The following TRPC7 variants were observed in gnomAD, a reference collection of about 807,000 sequenced individuals.
TRPC7 encodes the protein transient receptor potential cation channel subfamily C member 7, also known as short transient receptor potential channel 7.
TRPC7 carries 42 observed loss-of-function variants against 90.1 expected under a neutral mutation model. The observed-to-expected ratio is 0.47, with a 90% CI of 0.36 to 0.60. The LOEUF is 0.60. Among genes scored for constraint, TRPC7 ranks in the 20% least tolerant of loss-of-function variants. TRPC7 has a pLI of 0.00. For missense variants in TRPC7, 955 were observed against 1,112.3 expected, an observed-to-expected ratio of 0.86 and a Z score of 2.01; for synonymous variants, 451 against 436.3, an observed-to-expected ratio of 1.03 and a Z score of -0.42.
Position 136,348,588 on chromosome 5 carries a change from C to A in TRPC7, c.780+8020G>T, listed in dbSNP as rs918546249. Among the ~76,000 whole-genome samples, 3 of 152,172 alleles carry A rather than the reference C, an allele frequency of 2.0e-5. No homozygotes were observed. In the South Asian group the frequency reaches 6.2e-4, roughly 32 times the overall value. On this transcript the variant is annotated intron_variant, in intron 2 of 11. Transcript: ENST00000513104. ...CCCTTGACAATAAGGTCCTTGAGGG[C>A]AGGAACTTTATCTTGTTCATTTTAT...
chr5:136,233,485 G>A (rs186514949), intron 7 of TRPC7, among the ~76,000 whole-genome samples: 12 of 152,320 alleles, frequency 7.9e-5, no homozygotes, highest in Admixed American at 7.8e-4. Flanking sequence ...GGGAACAGTG[G>A]CAGAGAGATT....
chr5:136,295,329 A>T (rs961345645), intron 3 of TRPC7, among the ~76,000 whole-genome samples: 1 of 152,238 alleles, frequency 6.6e-6, no homozygotes, highest in South Asian at 2.1e-4. Flanking sequence ...TGTTGCTTTT[A>T]TTAAAAATAA....
At chr5:136,266,580 T>C in intron 4 of TRPC7, 144 bp from the exon 5 acceptor site, 1 of 733,654 alleles carries the variant, frequency 1.4e-6, no homozygotes, top group East Asian at 2.7e-5. Flanking sequence ...ACAACATTTT[T>C]TCTTGAACTA....
intron 7 of TRPC7, among the ~76,000 whole-genome samples, chr5:136,240,606 CTATAG>C (rs1756131146): frequency 6.6e-6 from 1 of 152,142 alleles, no homozygotes; most frequent in East Asian, 1.9e-4. Flanking sequence ...GAATTTACTA[CTATAG>C]GAGAGCAACT....
intron 3 of TRPC7, among the ~76,000 whole-genome samples, chr5:136,275,084 C>T (rs1377743714): frequency 2.0e-5 from 3 of 152,052 alleles, no homozygotes; most frequent in African/African-American, 7.2e-5. Context: ...GCAAACTGGG[C>T]CTAGAAAAGT....
chr5:136,344,489 T>C (rs1235485629), intron 2 of TRPC7, among the ~76,000 whole-genome samples: 1 of 152,232 alleles, frequency 6.6e-6, no homozygotes, highest in Non-Finnish European at 1.5e-5. Flanking sequence ...AGGCAATTCA[T>C]AGAAAGGAGA....
chr5:136,273,575 C>T (rs1757270862), intron 4 of TRPC7, among the ~76,000 whole-genome samples: 1 of 152,152 alleles, frequency 6.6e-6, no homozygotes, highest in Non-Finnish European at 1.5e-5. Flanking sequence ...GGTGGCCTCA[C>T]CAGCAGCCCC....
intron 2 of TRPC7, among the ~76,000 whole-genome samples, chr5:136,331,373 C>G (rs1440906360): frequency 2.0e-5 from 3 of 152,100 alleles, no homozygotes; most frequent in African/African-American, 7.2e-5. Flanking sequence ...GTGTGCTGAG[C>G]TCTGTGCCAG....
At position 136,247,720 on chromosome 5, in the gene TRPC7, C is replaced by T; in HGVS notation, c.1595G>A (p.Trp532Ter). Residue 532 changes from tryptophan (W) to a stop codon, truncating the protein, a stop_gained, in exon 7 of 12, where the codon TGG becomes TAG. Transcript: ENST00000513104. LOFTEE classifies it high-confidence loss of function. The surrounding 1 kb of genome is among the most constrained non-coding windows in gnomAD (Gnocchi z 4.2). ...CGATATGATCTGAGGGTCTGAAGGC[C>T]ACCACTTGTCCCTGGCTAAAAGAAA... The part of the protein sequence containing the change: ...AYFTYARDKW[W>*]PSDPQIISEG... 2 of 1,612,418 alleles carry T rather than the reference C, an allele frequency of 1.2e-6. No homozygotes were observed. The highest frequency in any genetic ancestry group is 1.7e-6 in the Non-Finnish European group (2 of 1,178,660).
intron 1 of TRPC7, 143 bp downstream of exon 1, chr5:136,365,110 A>G: frequency 1.0e-6 from 1 of 964,106 alleles, no homozygotes; most frequent in South Asian, 1.7e-5. Context: ...ACAAATAAGA[A>G]AGATCTCAGA....
At chr5:136,317,919 C>T (rs1314607606) in intron 2 of TRPC7, among the ~76,000 whole-genome samples, 1 of 152,214 alleles carries the variant, frequency 6.6e-6, no homozygotes, top group Non-Finnish European at 1.5e-5. Context: ...GGTGACACTT[C>T]ATTAGAGACT....
chr5:136,259,902 G>A (rs898072744), intron 5 of TRPC7, among the ~76,000 whole-genome samples: 1 of 152,108 alleles, frequency 6.6e-6, no homozygotes, highest in African/African-American at 2.4e-5. Flanking sequence ...TGCCTCTCTG[G>A]CTCTGTCTAC....
chr5:136,295,546 C>T (rs1305007663), intron 3 of TRPC7, among the ~76,000 whole-genome samples: 2 of 152,154 alleles, frequency 1.3e-5, no homozygotes, highest in South Asian at 2.1e-4. Flanking sequence ...CCCAGTGCCC[C>T]AGTCCCCTCC....
At position 136,245,000 on chromosome 5, in the gene TRPC7, C is replaced by G. The variant is rs114575430; in HGVS notation, c.1844+2471G>C. On this transcript the variant is annotated intron_variant, in intron 7 of 11. Coordinates refer to ENST00000513104, the MANE Select transcript of TRPC7 (RefSeq NM_020389.3). ...TATCATCATTACTATTTATTGAAGGCTCACTTTATGCCAAGCATTGCATTT... is the reference window on the plus strand; with the variant it reads ...TATCATCATTACTATTTATTGAAGGGTCACTTTATGCCAAGCATTGCATTT... Among the ~76,000 whole-genome samples the G allele has an allele frequency of 2.6e-3, 390 of 152,334 alleles. 4 individuals carry two copies. Among genetic ancestry groups the G allele is most frequent in the African/African-American group, 8.9e-3 (371 of 41,570 alleles).
intron 2 of TRPC7, among the ~76,000 whole-genome samples, chr5:136,344,082 A>C (rs1759929928): frequency 6.6e-6 from 1 of 152,222 alleles, no homozygotes; most frequent in Admixed American, 6.5e-5. Flanking sequence ...ATACCATGGA[A>C]TACTACGCAG....
At chr5:136,304,171 GTCC>G (rs1758517302) in intron 3 of TRPC7, among the ~76,000 whole-genome samples, 2 of 151,828 alleles carry the variant, frequency 1.3e-5, no homozygotes, top group African/African-American at 4.8e-5. Flanking sequence ...CATCCTTTGT[GTCC>G]TCCTCTTGTA....
At chr5:136,363,244 A>G (rs1444684080) in intron 1 of TRPC7, among the ~76,000 whole-genome samples, 2 of 152,120 alleles carry the variant, frequency 1.3e-5, no homozygotes, top group Non-Finnish European at 2.9e-5. Flanking sequence ...ATTTTTACAT[A>G]TTTCCCAAGG....
chr5:136,326,025 G>A (rs535294231), intron 2 of TRPC7, among the ~76,000 whole-genome samples: 1 of 152,280 alleles, frequency 6.6e-6, no homozygotes, highest in East Asian at 1.9e-4. Flanking sequence ...ATTCACATCA[G>A]CCTTTAATTA....
chr5:136,225,429 G>T, intron 9 of TRPC7, 75 bp from the exon 10 acceptor site: 1 of 1,432,100 alleles, frequency 7.0e-7, no homozygotes, highest in South Asian at 1.3e-5. Context: ...CGTAGGACTT[G>T]AACAGTATCC....
Sources: gnomAD v4.1 joint callset for allele counts (sites outside exome capture counted in the v4.1 genomes callset) on GRCh38, gnomAD v4.1.1 for gene constraint, Gnocchi (gnomAD v3.1) non-coding constraint, MANE v1.5 for transcripts, NCBI Gene and HGNC (gene_info 2026-07-23, HGNC 2026-07-21) for gene names.